Variants in PTPRM observed in about 807,000 individuals in gnomAD.
PTPRM encodes protein tyrosine phosphatase receptor type M.
PTPRM carries 47 observed loss-of-function variants against 186.7 expected under a neutral mutation model. The observed-to-expected ratio is 0.25, with a 90% confidence interval of 0.20 to 0.32. The LOEUF (loss-of-function observed/expected upper bound fraction) is 0.32. Among genes scored for constraint, PTPRM ranks in the 10% least tolerant of loss-of-function variants. PTPRM has a pLI of 1.00. For synonymous variants in PTPRM, 668 were observed against 674.9 expected (o/e 0.99, Z 0.16); for missense variants, 1,494 against 1,865.0 (o/e 0.80, Z 3.66).
At chr18:7,698,620 C>T (rs2039893564) in intron 1 of PTPRM, among the ~76,000 whole-genome samples, 1 of 152,120 alleles carries the variant, frequency 6.6e-6, no homozygotes, top group South Asian at 2.1e-4. Context: ...GAGTATATAT[C>T]TAGAAGTGGA....
At chr18:8,380,148 G>T in intron 28 of PTPRM, 148 bp from the exon 29 acceptor site, 7 of 767,106 alleles carry the variant, frequency 9.1e-6, no homozygotes, top group Admixed American at 2.6e-5. Flanking sequence ...TTTAGTCTAT[G>T]TTGGTGCTGA....
chr18:8,113,411 G>A, intron 11 of PTPRM, 75 bp from the exon 12 acceptor site: 1 of 1,365,056 alleles, frequency 7.3e-7, no homozygotes, highest in Non-Finnish European at 1.0e-6. Flanking sequence ...TGTCCTGTGG[G>A]TCCATGCAGT....
chr18:7,734,786 T>C (rs189775285), intron 1 of PTPRM, among the ~76,000 whole-genome samples: 1 of 152,184 alleles, frequency 6.6e-6, no homozygotes, highest in Non-Finnish European at 1.5e-5. Flanking sequence ...AAGTGAATTC[T>C]CCAAAGAATG....
At chr18:7,770,449 A>G (rs1185140141) in intron 1 of PTPRM, among the ~76,000 whole-genome samples, 3 of 152,186 alleles carry the variant, frequency 2.0e-5, no homozygotes, top group African/African-American at 7.2e-5. Flanking sequence ...GCTTTGTTCT[A>G]TGAGGTATAT....
At position 8,249,657 on chromosome 18, in the gene PTPRM, A is replaced by T. The variant is rs148517537; in HGVS notation, c.2554+1481A>T. On this transcript the variant is annotated intron_variant, in intron 17 of 32. Coordinates refer to ENST00000580170, the MANE Select transcript of PTPRM (RefSeq NM_001105244.2). ...GGGGAGGGCTAAAACGTGCCTTGTC[A>T]GAAGGAAGAAAATGTTCAGATTTCA... is the stretch of plus-strand genomic sequence containing the variant. 4.9e-3 allele frequency among the ~76,000 whole-genome samples: 742 copies of T among 152,352 alleles called. 3 individuals are homozygous for T. Among genetic ancestry groups the T allele is most frequent in the Non-Finnish European group, 8.9e-3 (604 of 68,040 alleles).
intron 2 of PTPRM, among the ~76,000 whole-genome samples, chr18:7,833,670 G>T (rs192405884): frequency 6.6e-6 from 1 of 151,030 alleles, no homozygotes; most frequent in East Asian, 2.0e-4. Flanking sequence ...GGAGGTGGAG[G>T]TTACAGTGAG....
At chr18:8,118,443 C>T (rs2092039432) in intron 13 of PTPRM, among the ~76,000 whole-genome samples, 1 of 152,106 alleles carries the variant, frequency 6.6e-6, no homozygotes, top group African/African-American at 2.4e-5. Flanking sequence ...GGCCCTTGGG[C>T]CACATGCAGC....
At chr18:7,900,605 C>T (rs2049615630) in intron 3 of PTPRM, among the ~76,000 whole-genome samples, 1 of 152,128 alleles carries the variant, frequency 6.6e-6, no homozygotes, top group African/African-American at 2.4e-5. Context: ...TATAGTGTCT[C>T]ATACTTGCTA....
intron 2 of PTPRM, among the ~76,000 whole-genome samples, chr18:7,825,323 CTA>C (rs1297362627): frequency 6.6e-6 from 1 of 152,018 alleles, no homozygotes; most frequent in African/African-American, 2.4e-5. Flanking sequence ...CAGAGGACTA[CTA>C]TGAGATTGCT....
At position 8,081,519 on chromosome 18, in the gene PTPRM, A is replaced by C. The variant is rs529570533; in HGVS notation, c.1552-4152A>C. Among the ~76,000 whole-genome samples the C allele has an allele frequency of 4.6e-5, 7 of 152,332 alleles. No individual in the cohort carries two copies. The South Asian group carries it at 1.4e-3, about 32-fold the overall frequency. ...TGAAGTACTTAACAGGCACTTAATA[A>C]GCATGTATTGAATGAACAAGTGGAA... is the stretch of plus-strand genomic sequence containing the variant. On this transcript the variant is annotated intron_variant, in intron 9 of 32. Transcript: ENST00000580170.
At chr18:7,702,173 T>A (rs2039981423) in intron 1 of PTPRM, among the ~76,000 whole-genome samples, 1 of 152,222 alleles carries the variant, frequency 6.6e-6, no homozygotes, top group African/African-American at 2.4e-5. Context: ...GTCTTTATAG[T>A]AGAATGATTT....
chr18:7,945,317 A>T (rs1568050885), intron 5 of PTPRM, among the ~76,000 whole-genome samples: 1 of 147,804 alleles, frequency 6.8e-6, no homozygotes. Flanking sequence ...AAAAAAAATT[A>T]TCCAGGCATG....
rs1360884194 is a variant in PTPRM, at chr18:8,406,434, A to G, written c.*272A>G. 2.3e-6 allele frequency: 1 copy of G among 435,128 alleles called. No individual in the cohort carries two copies. The allele number at this position is 435,128 out of a possible 1,614,324, so 27.0% of individuals were successfully genotyped here. A position where few individuals can be genotyped will look rare whatever the true frequency, so the allele number is the denominator to read the frequency against. ...CTAGAGCAGCGTAGACAGCTGGTAA[A>G]CTGAAGAGCACAACTATATTCTTAT... On this transcript the variant is annotated 3_prime_UTR_variant, in exon 33 of 33. Coordinates refer to ENST00000580170, the MANE Select transcript of PTPRM (RefSeq NM_001105244.2).
intron 2 of PTPRM, among the ~76,000 whole-genome samples, chr18:7,886,930 A>G (rs990313006): frequency 6.6e-6 from 1 of 152,218 alleles, no homozygotes; most frequent in African/African-American, 2.4e-5. Flanking sequence ...TGTTTAGGCA[A>G]TCACAGCATG....
At chr18:7,981,893 A>T (rs754070031) in intron 7 of PTPRM, among the ~76,000 whole-genome samples, 3 of 152,204 alleles carry the variant, frequency 2.0e-5, no homozygotes, top group Non-Finnish European at 2.9e-5. Context: ...AGGTACAGTA[A>T]AAATATGATA....
At chr18:8,087,715 T>C (rs572808938) in intron 10 of PTPRM, among the ~76,000 whole-genome samples, 1 of 152,314 alleles carries the variant, frequency 6.6e-6, no homozygotes, top group South Asian at 2.1e-4. Context: ...TAAATTTTAA[T>C]GCTGAGATCA....
At chr18:7,789,841 G>T (rs1211986307) in intron 2 of PTPRM, among the ~76,000 whole-genome samples, 1 of 152,204 alleles carries the variant, frequency 6.6e-6, no homozygotes, top group Non-Finnish European at 1.5e-5. Context: ...AGAAATGGTT[G>T]TGTGTTGTTT....
chr18:8,380,729 G>A (rs1056780581), intron 29 of PTPRM, among the ~76,000 whole-genome samples: 2 of 152,310 alleles, frequency 1.3e-5, no homozygotes, highest in African/African-American at 4.8e-5. Context: ...TGACAAGGTC[G>A]CAGACCGAGT....
At chr18:8,045,566 A>C (rs2086990023) in intron 7 of PTPRM, among the ~76,000 whole-genome samples, 1 of 152,220 alleles carries the variant, frequency 6.6e-6, no homozygotes, top group South Asian at 2.1e-4. Context: ...AGCCAGTTAC[A>C]ACAGACCACA....
Sources: gnomAD v4.1 joint callset for allele counts (sites outside exome capture counted in the v4.1 genomes callset) on GRCh38, gnomAD v4.1.1 for gene constraint, MANE v1.5 for transcripts, NCBI Gene and HGNC (gene_info 2026-07-23, HGNC 2026-07-21) for gene names.